The following PTPRH variants were observed in gnomAD, a reference collection of about 807,000 sequenced individuals.
The protein encoded by PTPRH is receptor-type tyrosine-protein phosphatase H.
PTPRH carries 113 observed loss-of-function variants against 130.2 expected under a neutral mutation model. That is an observed-to-expected ratio of 0.87 (90% CI 0.75 to 1.01). PTPRH has a LOEUF of 1.01. PTPRH is among the 50% of genes least tolerant of loss of function. The pLI is 0.00. For synonymous variants in PTPRH, 556 were observed against 577.9 expected (o/e 0.96, Z 0.54); for missense variants, 1,430 against 1,425.0 (o/e 1.00, Z -0.06).
rs1422758496 is a variant in PTPRH, at chr19:55,199,047, G to A, written c.1421-135C>T. ...TGGCAGGGCACAGTGGCTCAGGCCT[G>A]TAATCCCAGCATTTTGGGAAGCTAA... On this transcript the variant is annotated intron_variant, in intron 7 of 19. Coordinates refer to ENST00000376350, the MANE Select transcript of PTPRH (RefSeq NM_002842.5). The A allele has an allele frequency of 2.2e-5, 20 of 899,028 alleles. No homozygotes were observed. The African/African-American group carries it at 2.4e-4, about 11-fold the overall frequency. 55.7% of individuals were successfully genotyped at this position (899,028 alleles called of 1,614,324 possible).
intron 7 of PTPRH, 95 bp downstream of exon 7, chr19:55,200,141 G>T: frequency 7.2e-7 from 1 of 1,396,312 alleles, no homozygotes; most frequent in Non-Finnish European, 9.9e-7. Context: ...CAGAGCCTAC[G>T]GACTACAGAG....
rs139708770 is a variant in PTPRH at position 55,191,507 on chromosome 19, A to C, written c.2378T>G (p.Val793Gly). Reference protein sequence around the residue: ...KQQKPELRDLVFSSPGDIPAE... With the variant: ...KQQKPELRDLGFSSPGDIPAE... ...CCCCAGACCTTCTGCTCACCTAAAG[A>C]CCAGATCCCTGAGTTCTGGTTTCTG... The change falls in exon 12 of 20, where the codon GTC (valine) becomes GGC (glycine). Residue 793 changes from valine to glycine, a missense_variant. Coordinates refer to ENST00000376350, the MANE Select transcript of PTPRH (RefSeq NM_002842.5). 17 of 1,613,934 alleles carry C rather than the reference A, an allele frequency of 1.1e-5. No homozygotes were observed. Among genetic ancestry groups the C allele is most frequent in the Non-Finnish European group, 1.4e-5 (17 of 1,180,026 alleles).
rs1364482152 is a variant in PTPRH, at chr19:55,198,828, C to T, written c.1505G>A (p.Gly502Asp). Residue 502 changes from glycine to aspartate, a missense_variant, in exon 8 of 20, where the codon GGC becomes GAC. Transcript: ENST00000376350. ...GACCCAGTAGCTGTAGGAAGACTGG[C>T]CTGGGCCCTGGGGAGCTGTCCAGCG... is the stretch of plus-strand genomic sequence containing the variant. The part of the protein sequence containing the change: ...ALRWTAPQGP[G>D]QSSYSYWVSW... The T allele has an allele frequency of 6.2e-7, 1 of 1,604,820 alleles. No homozygotes were observed. The highest frequency in any genetic ancestry group is 2.2e-5 in the East Asian group (1 of 44,690).
chr19:55,201,084 C>T (rs1292935448), intron 6 of PTPRH, among the ~76,000 whole-genome samples: 1 of 152,180 alleles, frequency 6.6e-6, no homozygotes, highest in Non-Finnish European at 1.5e-5. Context: ...GGCCCAATGG[C>T]CCAGCACAGT....
At position 55,209,329 on chromosome 19, in the gene PTPRH, C is replaced by T. The variant is rs975908825; in HGVS notation, c.51+54G>A. ...GGTGCAGGCACCCAGCTCCTTCTCCCTCAGACCTGGGAGTCCCTGCCTTGG... is the reference window on the plus strand; with the variant it reads ...GGTGCAGGCACCCAGCTCCTTCTCCTTCAGACCTGGGAGTCCCTGCCTTGG... On this transcript the variant is annotated intron_variant, in intron 1 of 19. Transcript: ENST00000376350. The surrounding 1 kb of genome is among the most constrained non-coding windows in gnomAD (Gnocchi z 4.1). The T allele has an allele frequency of 2.9e-5, 44 of 1,496,092 alleles. No homozygotes were observed. Among genetic ancestry groups the T allele is most frequent in the Non-Finnish European group, 3.9e-5 (43 of 1,095,854 alleles). 92.7% of individuals were successfully genotyped at this position (1,496,092 alleles called of 1,614,324 possible).
intron 8 of PTPRH, among the ~76,000 whole-genome samples, chr19:55,197,698 A>G (rs1297207538): frequency 1.3e-5 from 2 of 152,146 alleles, no homozygotes; most frequent in African/African-American, 4.8e-5. Flanking sequence ...AGTTCCCATG[A>G]GGCTATGGAT....
At position 55,196,616 on chromosome 19, in the gene PTPRH, G is replaced by A. The variant is rs200909277; in HGVS notation, c.2163C>T (p.Leu721=). 5.3e-5 allele frequency: 85 copies of A among 1,613,814 alleles called. No individual in the cohort carries two copies. Among genetic ancestry groups the A allele is most frequent in the East Asian group, 2.0e-4 (9 of 44,842 alleles). The change falls in exon 10 of 20, where the codon CTC becomes CTT. Residue 721 remains leucine, a synonymous_variant. Coordinates refer to ENST00000376350, the MANE Select transcript of PTPRH (RefSeq NM_002842.5). ...SCGEAVSVLG[L]GPARSYPATI... ...TGGCTGGGTAGGACCGAGCCGGCCC[G>A]AGACCCAACACAGACACAGCCTCCC...
chr19:55,186,683 G>T, intron 14 of PTPRH, 143 bp from the exon 15 acceptor site: 1 of 347,060 alleles, frequency 2.9e-6, no homozygotes, highest in Non-Finnish European at 3.9e-6. Context: ...GGCAGACCTT[G>T]GGAGCTACAC....
At position 55,202,169 on chromosome 19, in the gene PTPRH, G is replaced by C; in HGVS notation, c.1040C>G (p.Ala347Gly). 6.2e-7 allele frequency: 1 copy of C among 1,614,196 alleles called. No homozygotes were observed. The highest frequency in any genetic ancestry group is 2.2e-5 in the East Asian group (1 of 44,878). ...DGGRAGTRST[A>G]HTNITVDRLE... is the part of the protein sequence containing the mutation. ...TCTATCCACGGTGATGTTGGTGTGT[G>C]CTGTGCTTCGAGTCCCTGCTCTGCC... The change falls in exon 6 of 20, where the codon GCA becomes GGA. Residue 347 changes from alanine (A) to glycine (G), a missense_variant. Physicochemically the swap from Ala to Gly is moderately conservative, Grantham distance 60 (BLOSUM62 0). Transcript: ENST00000376350.
intron 10 of PTPRH, among the ~76,000 whole-genome samples, chr19:55,195,577 T>A (rs2086658833): frequency 6.6e-6 from 1 of 151,938 alleles, no homozygotes; most frequent in South Asian, 2.1e-4. Context: ...TATGATTGCA[T>A]TTTTTTTGTT....
intron 10 of PTPRH, among the ~76,000 whole-genome samples, chr19:55,193,553 T>C (rs2147465660): frequency 6.6e-6 from 1 of 152,348 alleles, no homozygotes; most frequent in Admixed American, 6.5e-5. Flanking sequence ...GAGACGCTTT[T>C]GGTTGTCACA....
chr19:55,187,098 C>T (rs1386985355), intron 14 of PTPRH, among the ~76,000 whole-genome samples: 2 of 150,096 alleles, frequency 1.3e-5, no homozygotes, highest in African/African-American at 4.9e-5. Flanking sequence ...GTAATCCCAG[C>T]ACTTTGGGAG....
At chr19:55,182,941 T>G (rs1316521392) in intron 18 of PTPRH, among the ~76,000 whole-genome samples, 1 of 151,772 alleles carries the variant, frequency 6.6e-6, no homozygotes. Flanking sequence ...ATCACAGGCA[T>G]GCACCACTGC....
At position 55,185,997 on chromosome 19, in the gene PTPRH, G is replaced by A; in HGVS notation, c.2779-13C>T. ...GCTCACACTTCACCTGGGGGAGGAG[G>A]AGGGGTCAGAGAACACAACTCCTCT... is the stretch of plus-strand genomic sequence containing the variant. On this transcript the variant is annotated splice_polypyrimidine_tract_variant and intron_variant, in intron 16 of 19. Coordinates refer to ENST00000376350, the MANE Select transcript of PTPRH (RefSeq NM_002842.5). The A allele has an allele frequency of 1.2e-6, 2 of 1,613,858 alleles. No individual in the cohort carries two copies. The highest frequency in any genetic ancestry group is 1.7e-6 in the Non-Finnish European group (2 of 1,179,872).
rs1408461043 is a variant in PTPRH at position 55,187,111 on chromosome 19, C to T, written c.2566+402G>A. Among the ~76,000 whole-genome samples the T allele has an allele frequency of 9.3e-5, 14 of 150,352 alleles. No individual in the cohort carries two copies. The South Asian group carries it at 1.3e-3, about 14-fold the overall frequency. ...CCGTAATCCCAGCACTTTGGGAGGC[C>T]GAGGCGGGCAGATCACAAGGTCAGG... On this transcript the variant is annotated intron_variant, in intron 14 of 19. Coordinates refer to ENST00000376350, the MANE Select transcript of PTPRH (RefSeq NM_002842.5).
chr19:55,181,735 G>C lies in PTPRH; in HGVS notation c.*19C>G, dbSNP rs376381454. 3 of 1,613,708 alleles carry C rather than the reference G, an allele frequency of 1.9e-6. No individual in the cohort carries two copies. The highest frequency in any genetic ancestry group is 2.2e-5 in the South Asian group (2 of 91,008). ...AGAGCTTGAGGATGCCTGGGCTGCCGACCCAGCCCCCTCGTCACTTAGACC... is the reference window on the plus strand; with the variant it reads ...AGAGCTTGAGGATGCCTGGGCTGCCCACCCAGCCCCCTCGTCACTTAGACC... On this transcript the variant is annotated 3_prime_UTR_variant, in exon 20 of 20. Transcript: ENST00000376350.
intron 12 of PTPRH, chr19:55,189,691 A>G (rs1187263930): frequency 4.4e-6 from 2 of 456,044 alleles, no homozygotes; most frequent in Admixed American, 4.7e-5. Flanking sequence ...TCCTGCCGAA[A>G]ATATTCCTGC....
chr19:55,191,901 C>G (rs749767917), intron 10 of PTPRH, 160 bp from the exon 11 acceptor site: 1 of 721,516 alleles, frequency 1.4e-6, no homozygotes, highest in Admixed American at 2.0e-5. Context: ...GTTATACTTA[C>G]GCGCTTACCC....
chr19:55,198,927 A>C lies in PTPRH; in HGVS notation c.1421-15T>G. 2 of 1,498,592 alleles carry C rather than the reference A, an allele frequency of 1.3e-6. No individual in the cohort carries two copies. Among genetic ancestry groups the C allele is most frequent in the Non-Finnish European group, 1.8e-6 (2 of 1,121,334 alleles). 92.8% of individuals were successfully genotyped at this position (1,498,592 alleles called of 1,614,324 possible). On this transcript the variant is annotated splice_polypyrimidine_tract_variant and intron_variant, in intron 7 of 19. Transcript: ENST00000376350. The stretch of plus-strand genomic sequence containing the variant: ...TGCGTTGGGGACTGGGAGAGGGAGC[A>C]GAGTCAGGATTTCCACATCCCCTAG...
Sources: gnomAD v4.1 joint callset for allele counts (sites outside exome capture counted in the v4.1 genomes callset) on GRCh38, gnomAD v4.1.1 for gene constraint, Gnocchi (gnomAD v3.1) non-coding constraint, MANE v1.5 for transcripts, NCBI Gene and HGNC (gene_info 2026-07-23, HGNC 2026-07-21) for gene names.